The following USH2A variants were observed in gnomAD, a reference collection of about 807,000 sequenced individuals.
USH2A encodes Usher syndrome 2A (autosomal recessive, mild).
Under a neutral mutation model 538.9 loss-of-function variants are expected in USH2A, and 443 were observed. That is an observed-to-expected ratio of 0.82 (90% confidence interval 0.76 to 0.89). USH2A has a LOEUF of 0.89. Among genes scored for constraint, USH2A ranks in the 40% least tolerant of loss-of-function variants. USH2A has a pLI of 0.00. For synonymous variants in USH2A, 2,413 were observed against 2,273.5 expected, an observed-to-expected ratio of 1.06 and a Z score of -1.75; for missense variants, 6,633 against 6,324.8, an observed-to-expected ratio of 1.05 and a Z score of -1.65.
chr1:216,198,702 T>C (rs1426751335), intron 17 of USH2A, 118 bp from the exon 18 acceptor site: 2 of 927,688 alleles, frequency 2.2e-6, no homozygotes, highest in Non-Finnish European at 3.3e-6. Context: ...CTAATTAGAT[T>C]ACTGTCAATT....
chr1:215,873,565 T>G (rs924159065), intron 43 of USH2A, among the ~76,000 whole-genome samples: 1 of 152,174 alleles, frequency 6.6e-6, no homozygotes, highest in East Asian at 1.9e-4. Flanking sequence ...CATCCTCTTT[T>G]AGGACTTGAA....
chr1:216,198,825 C>T (rs965420438), intron 17 of USH2A, among the ~76,000 whole-genome samples: 1 of 152,068 alleles, frequency 6.6e-6, no homozygotes, highest in South Asian at 2.1e-4. Context: ...TAAAGGCATA[C>T]TCATGAGGAA....
rs1351274941 is a variant in USH2A at position 215,622,927 on chromosome 1, TTTAGA to T, written c.*2849_*2853del. ...TCAAATATTTATTAAGCAAACCATC[TTTAGA>T]TTAGTTTACATGATATTTGTGCATT... is the stretch of plus-strand genomic sequence containing the variant. On this transcript the variant is annotated 3_prime_UTR_variant, in exon 72 of 72. Transcript: ENST00000307340. 6 of 152,154 alleles carry T rather than the reference TTTAGA, an allele frequency of 3.9e-5. No individual in the cohort carries two copies. The South Asian group carries it at 6.2e-4, about 16-fold the overall frequency. 9.4% of individuals were successfully genotyped at this position (152,154 alleles called of 1,614,324 possible).
intron 37 of USH2A, among the ~76,000 whole-genome samples, chr1:215,951,718 C>A (rs1379408830): frequency 6.6e-6 from 1 of 152,006 alleles, no homozygotes; most frequent in Non-Finnish European, 1.5e-5. Flanking sequence ...TAAGGACTTG[C>A]TTTATTAATC....
intron 12 of USH2A, among the ~76,000 whole-genome samples, chr1:216,249,765 A>G (rs2102549953): frequency 6.6e-6 from 1 of 152,234 alleles, no homozygotes; most frequent in East Asian, 1.9e-4. Context: ...ATGTACACTT[A>G]CATAAATAAA....
At chr1:216,252,351 G>C (rs1380288086) in intron 11 of USH2A, among the ~76,000 whole-genome samples, 1 of 152,154 alleles carries the variant, frequency 6.6e-6, no homozygotes, top group Non-Finnish European at 1.5e-5. Flanking sequence ...CTTTCACTTG[G>C]ATTGAATCCA....
intron 9 of USH2A, among the ~76,000 whole-genome samples, chr1:216,313,633 C>T (rs1040059163): frequency 1.3e-5 from 2 of 152,114 alleles, no homozygotes; most frequent in Admixed American, 6.6e-5. Context: ...TTCCTTCACA[C>T]CAGGCCTATT....
intron 64 of USH2A, among the ~76,000 whole-genome samples, chr1:215,658,575 A>C (rs183004516): frequency 1.3e-5 from 2 of 152,324 alleles, no homozygotes; most frequent in Non-Finnish European, 2.9e-5. Flanking sequence ...CCATTAAAAG[A>C]AGGCCTGTAC....
chr1:215,838,572 A>C (rs1249219644), intron 46 of USH2A, among the ~76,000 whole-genome samples: 1 of 152,160 alleles, frequency 6.6e-6, no homozygotes, highest in Non-Finnish European at 1.5e-5. Flanking sequence ...GGCCTAGAGA[A>C]GCCTTCCAAT....
chr1:216,325,285 A>C lies in USH2A; in HGVS notation c.1143+20T>G. 1.2e-6 allele frequency: 2 copies of C among 1,612,756 alleles called. No homozygotes were observed. Among genetic ancestry groups the C allele is most frequent in the Non-Finnish European group, 8.5e-7 (1 of 1,179,554 alleles). On this transcript the variant is annotated intron_variant, in intron 6 of 71. Transcript: ENST00000307340. Reference sequence around the variant, plus strand: ...CAATAACCACAGGAAATTAATGTACACCTTATCGTTTCTCATTACCTGATA... The same window carrying C: ...CAATAACCACAGGAAATTAATGTACCCCTTATCGTTTCTCATTACCTGATA...
intron 2 of USH2A, among the ~76,000 whole-genome samples, chr1:216,420,052 T>C (rs780081492): frequency 4.6e-5 from 7 of 152,160 alleles, no homozygotes; most frequent in Non-Finnish European, 7.4e-5. Flanking sequence ...AAAAGTTTTA[T>C]ATAAATTCTA....
At chr1:216,394,010 G>A (rs2039158886) in intron 3 of USH2A, among the ~76,000 whole-genome samples, 1 of 152,156 alleles carries the variant, frequency 6.6e-6, no homozygotes, top group Admixed American at 6.5e-5. Context: ...TTTCACTAAA[G>A]AGGATACACA....
intron 3 of USH2A, among the ~76,000 whole-genome samples, chr1:216,388,980 G>A (rs2039053392): frequency 6.6e-6 from 1 of 152,144 alleles, no homozygotes; most frequent in Non-Finnish European, 1.5e-5. Flanking sequence ...AGTTATATAT[G>A]ATGGCAGTAT....
intron 11 of USH2A, among the ~76,000 whole-genome samples, chr1:216,284,166 T>C (rs928733714): frequency 1.3e-5 from 2 of 152,138 alleles, no homozygotes; most frequent in African/African-American, 4.8e-5. Flanking sequence ...AATAAATTAT[T>C]TCTGTTTCCA....
In USH2A at chr1:215,993,151, C is replaced by T. The variant is rs763755886; in HGVS notation, c.6674G>A (p.Gly2225Glu). Residue 2225 changes from glycine (G) to glutamate (E), a missense_variant, in exon 35 of 72, where the codon GGG (glycine) becomes GAG (glutamate). Coordinates refer to ENST00000307340, the MANE Select transcript of USH2A (RefSeq NM_206933.4). The part of the protein sequence containing the change: ...LIKLGACTGG[G>E]CTVSEASEAL... The stretch of plus-strand genomic sequence containing the variant: ...CTCACTGGCCTCACTCACTGTGCAC[C>T]CACCACCTGTGCAAGCCTAAACAGA... The T allele has an allele frequency of 3.7e-6, 6 of 1,613,860 alleles. No individual in the cohort carries two copies. The highest frequency in any genetic ancestry group is 1.7e-5 in the Admixed American group (1 of 59,984).
rs77797012 is a variant in USH2A, at chr1:216,198,455, T to C, written c.3941A>G (p.Glu1314Gly). 1.9e-4 allele frequency: 302 copies of C among 1,614,078 alleles called. No homozygotes were observed. Among genetic ancestry groups the C allele is most frequent in the Non-Finnish European group, 2.4e-4 (278 of 1,179,980 alleles). Residue 1314 changes from glutamate (E) to glycine (G), a missense_variant, in exon 18 of 72, where the codon GAA (glutamate) becomes GGA (glycine). Coordinates refer to ENST00000307340, the MANE Select transcript of USH2A (RefSeq NM_206933.4). ...TGTTTGAGGAGGTTTTAATGCATTT[T>C]CATTGGCCGATTCTACAAATGAATG... ...SPHSFVESAN[E>G]NALKPPQTMT...
intron 61 of USH2A, among the ~76,000 whole-genome samples, chr1:215,690,886 T>C (rs542520968): frequency 1.3e-5 from 2 of 152,148 alleles, no homozygotes; most frequent in African/African-American, 2.4e-5. Flanking sequence ...GTAGCCTCAG[T>C]TTGCCTTTTT....
chr1:215,771,324 T>C (rs954933902), intron 55 of USH2A, among the ~76,000 whole-genome samples: 1 of 151,720 alleles, frequency 6.6e-6, no homozygotes, highest in African/African-American at 2.4e-5. Flanking sequence ...CTCACGCCTG[T>C]AATCCCAGCA....
At chr1:215,649,687 C>T (rs1405500695) in intron 65 of USH2A, among the ~76,000 whole-genome samples, 1 of 152,218 alleles carries the variant, frequency 6.6e-6, no homozygotes, top group Non-Finnish European at 1.5e-5. Context: ...ATACCTGACA[C>T]TCTGGTCTCA....
Sources: gnomAD v4.1 joint callset for allele counts (sites outside exome capture counted in the v4.1 genomes callset) on GRCh38, gnomAD v4.1.1 for gene constraint, MANE v1.5 for transcripts, NCBI Gene and HGNC (gene_info 2026-07-23, HGNC 2026-07-21) for gene names.